Variants in DACH2 observed in about 807,000 individuals in gnomAD.
DACH2 encodes the protein dachshund family transcription factor 2.
Under a neutral mutation model 35.8 loss-of-function variants are expected in DACH2, and 17 were observed. That is an observed-to-expected ratio of 0.48 (90% CI 0.33 to 0.71). The LOEUF (loss-of-function observed/expected upper bound fraction) is 0.71, where lower values mean the gene tolerates loss of function less well. Ranked by LOEUF, DACH2 falls within the 30% of genes least tolerant of loss-of-function variation. The probability of loss-of-function intolerance (pLI) is 0.02; values close to 1 mark genes in which losing one functional copy is unlikely to be tolerated. For synonymous variants in DACH2, 195 were observed against 177.3 expected (o/e 1.10, Z -0.79); for missense variants, 469 against 472.7 (o/e 0.99, Z 0.07).
At chrX:86,325,972 C>G (rs766785645) in intron 1 of DACH2, among the ~76,000 whole-genome samples, 1 of 110,404 alleles carries the variant, frequency 9.1e-6, no homozygotes, top group Non-Finnish European at 1.9e-5. Flanking sequence ...TAATATATCT[C>G]TAAATGAGTT....
chrX:86,401,717 C>CAA (rs762581376), intron 2 of DACH2, among the ~76,000 whole-genome samples: 9 of 52,565 alleles, frequency 1.7e-4, no homozygotes, highest in African/African-American at 4.8e-4. Flanking sequence ...GAGACAGTGA[C>CAA]AAAAAAAAAA....
At chrX:86,527,944 A>T (rs767573394) in intron 3 of DACH2, among the ~76,000 whole-genome samples, 54 of 112,075 alleles carry the variant, frequency 4.8e-4, no homozygotes, top group Non-Finnish European at 9.0e-4. Flanking sequence ...GGATTTTTGC[A>T]TTAAAGTAAG....
chrX:86,240,726 G>T (rs2033148278), intron 1 of DACH2, among the ~76,000 whole-genome samples: 1 of 110,572 alleles, frequency 9.0e-6, no homozygotes, highest in South Asian at 3.8e-4. Flanking sequence ...ATACCTACAT[G>T]TTAGGGGAGG....
At chrX:86,341,579 T>C (rs1418703929) in intron 1 of DACH2, among the ~76,000 whole-genome samples, 1 of 112,409 alleles carries the variant, frequency 8.9e-6, no homozygotes, top group African/African-American at 3.2e-5. Flanking sequence ...ACAATTTCGA[T>C]GTTCAAGTCT....
chrX:86,548,403 CA>C (rs1300478804), intron 3 of DACH2, among the ~76,000 whole-genome samples: 5 of 111,948 alleles, frequency 4.5e-5, no homozygotes, highest in South Asian at 3.6e-4. Flanking sequence ...AATAGAATTA[CA>C]GACATTTAAA....
At chrX:86,458,869 A>C (rs2037519590) in intron 2 of DACH2, among the ~76,000 whole-genome samples, 1 of 110,532 alleles carries the variant, frequency 9.0e-6, no homozygotes, top group Non-Finnish European at 1.9e-5. Context: ...GTGGCCTGTC[A>C]GGGGGTGGAG....
intron 3 of DACH2, among the ~76,000 whole-genome samples, chrX:86,619,967 T>TAAA (rs1373543406): frequency 1.8e-5 from 2 of 112,113 alleles, no homozygotes; most frequent in African/African-American, 3.2e-5. Context: ...ACAGCAAACT[T>TAAA]AAAATATGTT....
intron 2 of DACH2, among the ~76,000 whole-genome samples, chrX:86,460,734 G>C (rs1219000720): frequency 9.0e-6 from 1 of 110,548 alleles, no homozygotes. Flanking sequence ...GCCTATATTT[G>C]GCAGTAGGTA....
intron 6 of DACH2, among the ~76,000 whole-genome samples, chrX:86,715,394 C>T (rs2041324689): frequency 1.8e-5 from 2 of 111,270 alleles, no homozygotes; most frequent in Admixed American, 9.6e-5. Context: ...AAGGATATTT[C>T]GTAGCTACCC....
intron 1 of DACH2, among the ~76,000 whole-genome samples, chrX:86,265,420 GA>G (rs1341337193): frequency 9.0e-6 from 1 of 111,600 alleles, no homozygotes; most frequent in Non-Finnish European, 1.9e-5. Flanking sequence ...GGTAAAGGGT[GA>G]AAGTTTTAAA....
At chrX:86,695,962 C>G (rs1297055334) in intron 5 of DACH2, among the ~76,000 whole-genome samples, 2 of 111,442 alleles carry the variant, frequency 1.8e-5, no homozygotes, top group Non-Finnish European at 3.8e-5. Context: ...AATATGTTAA[C>G]AGTGAATTGC....
At chrX:86,166,429 A>G (rs1372381159) in intron 1 of DACH2, among the ~76,000 whole-genome samples, 1 of 111,769 alleles carries the variant, frequency 8.9e-6, no homozygotes, top group African/African-American at 3.2e-5. Flanking sequence ...CTGTAACTTT[A>G]CTTAATTTGT....
chrX:86,373,932 T>A (rs187708862), intron 1 of DACH2, among the ~76,000 whole-genome samples: 1 of 111,302 alleles, frequency 9.0e-6, no homozygotes, highest in East Asian at 2.8e-4. Context: ...ATCTCTTTAG[T>A]TTACTTCACA....
intron 1 of DACH2, among the ~76,000 whole-genome samples, chrX:86,205,136 C>T (rs1231857191): frequency 2.7e-5 from 3 of 111,494 alleles, no homozygotes; most frequent in Non-Finnish European, 5.7e-5. Context: ...AACATGTTCA[C>T]ATCTTATTTC....
At chrX:86,331,741 A>G (rs1002081557) in intron 1 of DACH2, among the ~76,000 whole-genome samples, 1 of 111,362 alleles carries the variant, frequency 9.0e-6, no homozygotes, top group Non-Finnish European at 1.9e-5. Flanking sequence ...AATACACTAT[A>G]CAAGTGTCAA....
intron 7 of DACH2, among the ~76,000 whole-genome samples, chrX:86,788,109 A>G (rs2042155601): frequency 1.8e-5 from 2 of 110,874 alleles, no homozygotes; most frequent in Non-Finnish European, 3.8e-5. Context: ...CCGCATGCGC[A>G]GTTTACTGAA....
chrX:86,420,461 A>G (rs2036783150), intron 2 of DACH2, among the ~76,000 whole-genome samples: 1 of 111,697 alleles, frequency 9.0e-6, no homozygotes, highest in Non-Finnish European at 1.9e-5. Flanking sequence ...CTTTGTTAAA[A>G]TATTCCATGG....
intron 11 of DACH2, chrX:86,830,009 A>T (rs1464919103): frequency 9.0e-6 from 1 of 111,192 alleles, no homozygotes; most frequent in Non-Finnish European, 1.9e-5. Context: ...AGAACATGAA[A>T]CATTCCATTA....
chrX:86,592,042 AT>A (rs774091490), intron 3 of DACH2, among the ~76,000 whole-genome samples: 5 of 110,016 alleles, frequency 4.5e-5, no homozygotes, highest in Non-Finnish European at 5.7e-5. Flanking sequence ...CTAAACTATG[AT>A]TTTTTTTTAT....
Sources: allele counts gnomAD v4.1 joint callset (sites outside exome capture counted in the v4.1 genomes callset), GRCh38; gene constraint gnomAD v4.1.1; transcripts MANE v1.5; gene names NCBI Gene and HGNC (gene_info 2026-07-23, HGNC 2026-07-21).